Variants in TRIM37 observed in about 807,000 individuals in gnomAD.
TRIM37 encodes the protein tripartite motif containing 37.
In TRIM37, 80 loss-of-function variants were observed where a neutral mutation model predicts 129.8. The ratio of observed to expected loss-of-function variants is 0.62; its 90% confidence interval spans 0.51 to 0.74. TRIM37 has a LOEUF of 0.74. Among genes scored for constraint, TRIM37 ranks in the 30% least tolerant of loss-of-function variants. The pLI is 0.00. For missense variants in TRIM37, 1,054 were observed against 1,176.5 expected (o/e 0.90, Z 1.52); for synonymous variants, 389 against 387.1 (o/e 1.00, Z -0.06).
chr17:59,049,092 G>A, intron 15 of TRIM37, 86 bp downstream of exon 15: 3 of 1,079,062 alleles, frequency 2.8e-6, no homozygotes, highest in Non-Finnish European at 4.2e-6. Context: ...TTAGCCTACT[G>A]TTTTAGCACA....
rs1012995032 is a variant in TRIM37, at chr17:59,046,544, T to G, written c.1667+1139A>C. On this transcript the variant is annotated intron_variant, in intron 16 of 23. Transcript: ENST00000262294. ...AAGTATTAGTCATGAAAAACAGTTTTTTTTTTTTTTTGAGACAGAGTCTCA... is the reference window on the plus strand; with the variant it reads ...AAGTATTAGTCATGAAAAACAGTTTGTTTTTTTTTTTGAGACAGAGTCTCA... Among the ~76,000 whole-genome samples the G allele has an allele frequency of 8.1e-5, 9 of 110,592 alleles. No individual in the cohort carries two copies. The East Asian group carries it at 2.0e-3, about 24-fold the overall frequency. 72.6% of individuals were successfully genotyped at this position (110,592 alleles called of 152,430 possible). A position where few individuals can be genotyped will look rare whatever the true frequency, so the allele number is the denominator to read the frequency against.
At position 59,084,106 on chromosome 17, in the gene TRIM37, G is replaced by C. The variant is rs753418140; in HGVS notation, c.282-17C>G. The C allele has an allele frequency of 8.2e-6, 13 of 1,585,396 alleles. No homozygotes were observed. The East Asian group carries it at 9.0e-5, about 11-fold the overall frequency. On this transcript the variant is annotated splice_polypyrimidine_tract_variant and intron_variant, in intron 4 of 23. Transcript: ENST00000262294. Reference sequence around the variant, plus strand: ...TTTTCACATCTATACATTATGAAAAGAAAATGAAGTTATAAATTAAATTGG... The same window carrying C: ...TTTTCACATCTATACATTATGAAAACAAAATGAAGTTATAAATTAAATTGG...
intron 1 of TRIM37, among the ~76,000 whole-genome samples, chr17:59,106,225 G>A (rs1345732752): frequency 6.6e-6 from 1 of 152,212 alleles, no homozygotes; most frequent in Non-Finnish European, 1.5e-5. Context: ...GAAAACTCCA[G>A]GATACGCACC....
intron 18 of TRIM37, among the ~76,000 whole-genome samples, chr17:59,029,280 T>A (rs1424113856): frequency 1.3e-5 from 2 of 152,186 alleles, no homozygotes; most frequent in Non-Finnish European, 2.9e-5. Context: ...AAAATTTTTT[T>A]ATTAGAACTT....
At chr17:58,994,275 C>T (rs118044367), downstream of TRIM37, among the ~76,000 whole-genome samples, 1 of 152,090 alleles carries the variant, frequency 6.6e-6, no homozygotes, top group Non-Finnish European at 1.5e-5. Flanking sequence ...GTTAACTATA[C>T]AGTCAGCCCT....
At position 59,028,757 on chromosome 17, in the gene TRIM37, A is replaced by G. The variant is rs761498248; in HGVS notation, c.1949-34T>C. The G allele has an allele frequency of 8.1e-6, 13 of 1,606,132 alleles. No individual in the cohort carries two copies. The East Asian group carries it at 2.7e-4, about 33-fold the overall frequency. ...AAATTGACAAGTCATGTTAACATAA[A>G]CGTTAATATTAATGAAATCATTTGT... is the stretch of plus-strand genomic sequence containing the variant. On this transcript the variant is annotated intron_variant, in intron 18 of 23. Transcript: ENST00000262294.
chr17:59,046,438 CTCTA>C (rs2039804472), intron 16 of TRIM37, among the ~76,000 whole-genome samples: 1 of 152,120 alleles, frequency 6.6e-6, no homozygotes, highest in Non-Finnish European at 1.5e-5. Context: ...AGTGTGTAAC[CTCTA>C]TCTAATCATG....
At chr17:59,029,924 A>AT (rs1830469315) in intron 18 of TRIM37, among the ~76,000 whole-genome samples, 2 of 152,246 alleles carry the variant, frequency 1.3e-5, no homozygotes, top group South Asian at 2.1e-4. Flanking sequence ...TTCCATGAGT[A>AT]TTTTTTCTCC....
intron 2 of TRIM37, among the ~76,000 whole-genome samples, chr17:59,098,295 G>T (rs2045105173): frequency 1.3e-5 from 2 of 152,126 alleles, no homozygotes; most frequent in South Asian, 4.1e-4. Flanking sequence ...AGTACTAAAG[G>T]TGGATAGTGG....
At chr17:59,003,372 A>C (rs1383888389) in intron 22 of TRIM37, among the ~76,000 whole-genome samples, 1 of 152,198 alleles carries the variant, frequency 6.6e-6, no homozygotes, top group Non-Finnish European at 1.5e-5. Context: ...TTAAGAAATT[A>C]ACATAAAAAT....
intron 2 of TRIM37, among the ~76,000 whole-genome samples, chr17:59,099,804 T>TC (rs2045289379): frequency 6.6e-6 from 1 of 152,126 alleles, no homozygotes; most frequent in Admixed American, 6.6e-5. Flanking sequence ...TAAAACTATT[T>TC]CCTTTTTTTT....
At chr17:59,062,043 T>A (rs1036213458) in intron 11 of TRIM37, among the ~76,000 whole-genome samples, 4 of 150,796 alleles carry the variant, frequency 2.7e-5, no homozygotes, top group South Asian at 2.1e-4. Flanking sequence ...AAAAAAAAAA[T>A]AATCTGAAAC....
At chr17:59,041,752 C>A in intron 17 of TRIM37, 61 bp downstream of exon 17, 2 of 1,234,666 alleles carry the variant, frequency 1.6e-6, no homozygotes, top group South Asian at 2.4e-5. Flanking sequence ...AAATATAATA[C>A]AGTCAGAGAA....
At chr17:59,059,978 C>T (rs141125086) in intron 12 of TRIM37, among the ~76,000 whole-genome samples, 3 of 152,290 alleles carry the variant, frequency 2.0e-5, no homozygotes, top group African/African-American at 7.2e-5. Context: ...GAGTTCTTTC[C>T]CCAATCTCAG....
chr17:59,071,669 A>C (rs1307844454), intron 8 of TRIM37, among the ~76,000 whole-genome samples: 1 of 151,484 alleles, frequency 6.6e-6, no homozygotes, highest in Non-Finnish European at 1.5e-5. Flanking sequence ...CCGTGTGTAC[A>C]CACACACACA....
intron 17 of TRIM37, among the ~76,000 whole-genome samples, chr17:59,040,692 A>C (rs981502278): frequency 1.3e-5 from 2 of 152,204 alleles, no homozygotes; most frequent in Admixed American, 1.3e-4. Flanking sequence ...TATAGAGCTT[A>C]GGTTGGAGTT....
At chr17:58,997,620 C>T (rs1391334659), downstream of TRIM37, among the ~76,000 whole-genome samples, 3 of 152,122 alleles carry the variant, frequency 2.0e-5, no homozygotes, top group Non-Finnish European at 2.9e-5. Context: ...TAAGAAAACT[C>T]TATTCAGGAG....
intron 7 of TRIM37, 89 bp downstream of exon 7, chr17:59,079,665 T>C (rs2043099473): frequency 1.3e-6 from 2 of 1,531,890 alleles, no homozygotes; most frequent in Admixed American, 3.4e-5. Context: ...CAAGATTCCT[T>C]CCTAGGATGA....
intron 7 of TRIM37, among the ~76,000 whole-genome samples, chr17:59,077,815 A>T (rs2146968146): frequency 6.8e-6 from 1 of 147,710 alleles, no homozygotes; most frequent in East Asian, 2.0e-4. Context: ...ATCTCAAAAA[A>T]AAAAAAAAAA....
Sources: gnomAD v4.1 joint callset for allele counts (sites outside exome capture counted in the v4.1 genomes callset) on GRCh38, gnomAD v4.1.1 for gene constraint, MANE v1.5 for transcripts, NCBI Gene and HGNC (gene_info 2026-07-23, HGNC 2026-07-21) for gene names.